Variants in SLITRK4 observed in about 807,000 individuals in gnomAD.
SLITRK4 encodes the protein SLIT and NTRK like family member 4.
In SLITRK4, 7 loss-of-function variants were observed where a neutral mutation model predicts 34.7. The ratio of observed to expected loss-of-function variants is 0.20; its 90% CI spans 0.11 to 0.38. The LOEUF is 0.38. Among genes scored for constraint, SLITRK4 ranks in the 10% least tolerant of loss-of-function variants. SLITRK4 has a pLI of 1.00. For synonymous variants in SLITRK4, 237 were observed against 246.2 expected (o/e 0.96, Z 0.35); for missense variants, 474 against 607.0 (o/e 0.78, Z 2.30).
In SLITRK4 at chrX:143,628,091, CTTTTTTTTTTTTTTTTTTTTTTT is replaced by C. The variant is rs782497461; in HGVS notation, c.*481_*503del. On this transcript the variant is annotated 3_prime_UTR_variant, in exon 2 of 2. Transcript: ENST00000356928. ...CTATCGAGTGTTCTCTCTTTGCATG[CTTTTTTTTTTTTTTTTTTTTTTT>C]TTTTTTTTTTTTTACTTTTCAGATA... 25 of 73,096 alleles carry C rather than the reference CTTTTTTTTTTTTTTTTTTTTTTT, an allele frequency of 3.4e-4. No homozygotes were observed. The African/African-American group carries it at 4.3e-3, about 13-fold the overall frequency. The allele number at this position is 73,096 out of a possible 1,213,427, so 6.0% of individuals were successfully genotyped here. A position where few individuals can be genotyped will look rare whatever the true frequency, so the allele number is the denominator to read the frequency against.
chrX:143,624,552 T>C lies in SLITRK4; in HGVS notation c.*4043A>G, dbSNP rs1930725068. ...ATATGTTTCTAAAGAAAGCGTTTTT[T>C]TTAACAGAGATTTAGCAGTTAAGTT... On this transcript the variant is annotated 3_prime_UTR_variant, in exon 2 of 2. Transcript: ENST00000356928. The C allele has an allele frequency of 9.0e-6, 1 of 110,990 alleles. No individual in the cohort carries two copies. Among genetic ancestry groups the C allele is most frequent in the African/African-American group, 3.3e-5 (1 of 30,737 alleles). The allele number at this position is 110,990 out of a possible 1,213,427, so 9.1% of individuals were successfully genotyped here. A position where few individuals can be genotyped will look rare whatever the true frequency, so the allele number is the denominator to read the frequency against.
In SLITRK4 at chrX:143,626,797, A is replaced by T. The variant is rs782144444; in HGVS notation, c.*1798T>A. 9.5e-6 allele frequency: 1 copy of T among 104,815 alleles called. No homozygotes were observed. The highest frequency in any genetic ancestry group is 3.1e-4 in the East Asian group (1 of 3,274). 8.6% of individuals were successfully genotyped at this position (104,815 alleles called of 1,213,427 possible). ...CACTCTCACACATGCACACACACAC[A>T]CTATATATATATGTATACACACACA... On this transcript the variant is annotated 3_prime_UTR_variant, in exon 2 of 2. Transcript: ENST00000356928.
rs1931026577 is a variant in SLITRK4 at position 143,631,170 on chromosome X, AAAG to A, written c.-50-15_-50-13del. The A allele has an allele frequency of 1.1e-6, 1 of 950,301 alleles. No homozygotes were observed. The highest frequency in any genetic ancestry group is 2.0e-5 in the African/African-American group (1 of 50,311). 78.3% of individuals were successfully genotyped at this position (950,301 alleles called of 1,213,427 possible). On this transcript the variant is annotated splice_polypyrimidine_tract_variant and intron_variant, in intron 1 of 1. Coordinates refer to ENST00000356928, the MANE Select transcript of SLITRK4 (RefSeq NM_001184749.3). Reference sequence around the variant, plus strand: ...TAAAGAGAAATAATCTAAAAAATAAAAAGAAAACATTTTTTCAATGGTCATTAC... The same window carrying A: ...TAAAGAGAAATAATCTAAAAAATAAAAAAACATTTTTTCAATGGTCATTAC...
rs1379322327 is a variant in SLITRK4, at chrX:143,629,269, G to A, written c.1840C>T (p.Pro614Ser). The A allele has an allele frequency of 1.7e-6, 2 of 1,211,976 alleles. No homozygotes were observed. The highest frequency in any genetic ancestry group is 2.2e-6 in the Non-Finnish European group (2 of 895,548). Residue 614 changes from proline (P) to serine (S), a missense_variant, in exon 2 of 2, where the codon CCA becomes TCA. Coordinates refer to ENST00000356928, the MANE Select transcript of SLITRK4 (RefSeq NM_001184749.3). ...AAGATTAAAATAGACAGAGGCACTG[G>A]CCCACCAGGAGGACTTCGAATGGGA... is the stretch of plus-strand genomic sequence containing the variant. ...LGPIRSPPGG[P>S]VPLSILILSI...
Position 143,631,132 on chromosome X carries a change from G to A in SLITRK4, c.-24C>T, listed in dbSNP as rs369199632. The A allele has an allele frequency of 2.8e-6, 3 of 1,061,955 alleles. No homozygotes were observed. The allele number at this position is 1,061,955 out of a possible 1,213,427, so 87.5% of individuals were successfully genotyped here. A position where few individuals can be genotyped will look rare whatever the true frequency, so the allele number is the denominator to read the frequency against. On this transcript the variant is annotated 5_prime_UTR_variant, in exon 2 of 2. Coordinates refer to ENST00000356928, the MANE Select transcript of SLITRK4 (RefSeq NM_001184749.3). ...ATCTTCTTGCAATCAGCAAACAACT[G>A]TATGCTTCTGAATAAAGAGAAATAA...
rs1223821140 is a variant in SLITRK4 at position 143,629,572 on chromosome X, C to T, written c.1537G>A (p.Val513Ile). Residue 513 changes from valine (V) to isoleucine (I), a missense_variant, in exon 2 of 2, where the codon GTC (valine) becomes ATC (isoleucine). By Grantham distance (29) the Val-to-Ile change is conservative (BLOSUM62 3). This residue lies in a region of SLITRK4 where 345 missense variants were observed against 406.5 expected (regional missense o/e 0.85). Coordinates refer to ENST00000356928, the MANE Select transcript of SLITRK4 (RefSeq NM_001184749.3). Reference protein sequence around the residue: ...LRNNKFMYLPVSGVLDQLQSL... With the variant: ...LRNNKFMYLPISGVLDQLQSL... ...TGCAACTGATCAAGGACCCCGCTGA[C>T]AGGCAGGTACATGAATTTGTTGTTC... The T allele has an allele frequency of 8.3e-7, 1 of 1,209,194 alleles. No homozygotes were observed. Among genetic ancestry groups the T allele is most frequent in the Non-Finnish European group, 1.1e-6 (1 of 895,084 alleles).
In SLITRK4 at chrX:143,630,949, G is replaced by A. The variant is rs1316653624; in HGVS notation, c.160C>T (p.Leu54=). ...TAAAAATTAGACCAAGGTGGTTTCA[G>A]CTGATTTGGTCTGTAGACTGAAACC... The part of the protein sequence containing the change: ...EKVSVYRPNQ[L]KPPWSNFYHL... The change falls in exon 2 of 2, where the codon CTG becomes TTG. Residue 54 remains leucine, a synonymous_variant. Transcript: ENST00000356928. 9 of 1,208,465 alleles carry A rather than the reference G, an allele frequency of 7.4e-6. No individual in the cohort carries two copies. Among genetic ancestry groups the A allele is most frequent in the Admixed American group, 2.2e-5 (1 of 45,438 alleles).
chrX:143,629,991 A>T lies in SLITRK4; in HGVS notation c.1118T>A (p.Ile373Lys), dbSNP rs1556427262. ...CTTCTTCGCATTTAAAGGTTTCGGT[A>T]TCAGTTCAGACATAGACTGTATATT... ...EKNIQSMSEL[I>K]PKPLNAKKLH... The change falls in exon 2 of 2, where the codon ATA (isoleucine) becomes AAA (lysine). Residue 373 changes from isoleucine to lysine, a missense_variant. By Grantham distance (102) the Ile-to-Lys change is moderately radical. Coordinates refer to ENST00000356928, the MANE Select transcript of SLITRK4 (RefSeq NM_001184749.3). 8.3e-7 allele frequency: 1 copy of T among 1,210,195 alleles called. No individual in the cohort carries two copies. The highest frequency in any genetic ancestry group is 1.7e-5 in the African/African-American group (1 of 57,220).
In SLITRK4 at chrX:143,628,091, C is replaced by CTTTTTTTTTTTTT. The variant is rs782497461; in HGVS notation, c.*491_*503dup. The CTTTTTTTTTTTTT allele has an allele frequency of 3.6e-3, 260 of 73,096 alleles. 115 individuals are homozygous for CTTTTTTTTTTTTT. The highest frequency in any genetic ancestry group is 8.3e-3 in the Admixed American group (20 of 2,399). The allele number at this position is 73,096 out of a possible 1,213,427, so 6.0% of individuals were successfully genotyped here. ...CTATCGAGTGTTCTCTCTTTGCATG[C>CTTTTTTTTTTTTT]TTTTTTTTTTTTTTTTTTTTTTTTT... On this transcript the variant is annotated 3_prime_UTR_variant, in exon 2 of 2. Coordinates refer to ENST00000356928, the MANE Select transcript of SLITRK4 (RefSeq NM_001184749.3).
At chrX:143,632,294 C>A (rs1931065351) in intron 1 of SLITRK4, among the ~76,000 whole-genome samples, 2 of 111,449 alleles carry the variant, frequency 1.8e-5, no homozygotes, top group South Asian at 7.6e-4. Context: ...TGACTGTAAA[C>A]GCATAAAGAA....
At chrX:143,632,232 C>A (rs782289895) in intron 1 of SLITRK4, among the ~76,000 whole-genome samples, 38 of 111,605 alleles carry the variant, frequency 3.4e-4, no homozygotes, top group African/African-American at 1.2e-3. Flanking sequence ...GTCCTAAAAT[C>A]ATCAGTTCCA....
rs369199632 is a variant in SLITRK4 at position 143,631,132 on chromosome X, G to T, written c.-24C>A. Reference sequence around the variant, plus strand: ...ATCTTCTTGCAATCAGCAAACAACTGTATGCTTCTGAATAAAGAGAAATAA... The same window carrying T: ...ATCTTCTTGCAATCAGCAAACAACTTTATGCTTCTGAATAAAGAGAAATAA... On this transcript the variant is annotated 5_prime_UTR_variant, in exon 2 of 2. Transcript: ENST00000356928. 5 of 1,060,526 alleles carry T rather than the reference G, an allele frequency of 4.7e-6. No individual in the cohort carries two copies. The highest frequency in any genetic ancestry group is 1.9e-5 in the African/African-American group (1 of 52,986). 87.4% of individuals were successfully genotyped at this position (1,060,526 alleles called of 1,213,427 possible). A position where few individuals can be genotyped will look rare whatever the true frequency, so the allele number is the denominator to read the frequency against.
Position 143,625,039 on chromosome X carries a change from A to G in SLITRK4, c.*3556T>C, listed in dbSNP as rs1227017123. Reference sequence around the variant, plus strand: ...AGTGTGCTCATTTCATACAATGTCAATGTACAAATCATGCAAAAAATGTTA... The same window carrying G: ...AGTGTGCTCATTTCATACAATGTCAGTGTACAAATCATGCAAAAAATGTTA... On this transcript the variant is annotated 3_prime_UTR_variant, in exon 2 of 2. Coordinates refer to ENST00000356928, the MANE Select transcript of SLITRK4 (RefSeq NM_001184749.3). The G allele has an allele frequency of 9.0e-6, 1 of 111,477 alleles. No homozygotes were observed. Among genetic ancestry groups the G allele is most frequent in the East Asian group, 2.8e-4 (1 of 3,579 alleles). 9.2% of individuals were successfully genotyped at this position (111,477 alleles called of 1,213,427 possible).
Position 143,630,039 on chromosome X carries a change from A to C in SLITRK4, c.1070T>G (p.Leu357Arg). The part of the protein sequence containing the change: ...FCKTHPSDLG[L>R]SVNCQEKNIQ... ...ATTTTTCTCTTGGCAGTTCACACTT[A>C]GTCCCAAATCTGAAGGGTGTGTTTT... Residue 357 changes from leucine (L) to arginine (R), a missense_variant, in exon 2 of 2, where the codon CTA becomes CGA. Coordinates refer to ENST00000356928, the MANE Select transcript of SLITRK4 (RefSeq NM_001184749.3). 1 of 1,211,912 alleles carries C rather than the reference A, an allele frequency of 8.3e-7. No homozygotes were observed. Among genetic ancestry groups the C allele is most frequent in the Non-Finnish European group, 1.1e-6 (1 of 895,523 alleles).
chrX:143,624,969 T>C lies in SLITRK4; in HGVS notation c.*3626A>G, dbSNP rs1457931609. 3 of 111,131 alleles carry C rather than the reference T, an allele frequency of 2.7e-5. No homozygotes were observed. Among genetic ancestry groups the C allele is most frequent in the Non-Finnish European group, 5.7e-5 (3 of 52,727 alleles). 9.2% of individuals were successfully genotyped at this position (111,131 alleles called of 1,213,427 possible). On this transcript the variant is annotated 3_prime_UTR_variant, in exon 2 of 2. Transcript: ENST00000356928. ...ATTATAAATACATTCTTAATATAGT[T>C]TCTCCCCAACTCTTTGGATGCGACA...
chrX:143,626,877 T>TAC lies in SLITRK4; in HGVS notation c.*1716_*1717dup, dbSNP rs1268869114. 1.8e-4 allele frequency: 19 copies of TAC among 106,561 alleles called. No homozygotes were observed. Among genetic ancestry groups the TAC allele is most frequent in the Non-Finnish European group, 1.9e-5 (1 of 51,874 alleles). The allele number at this position is 106,561 out of a possible 1,213,427, so 8.8% of individuals were successfully genotyped here. ...ATATATATACACACGCATATATATATACACACACACATATATATATATGTA... is the reference window on the plus strand; with the variant it reads ...ATATATATACACACGCATATATATATACACACACACACATATATATATATGTA... On this transcript the variant is annotated 3_prime_UTR_variant, in exon 2 of 2. Transcript: ENST00000356928.
intron 1 of SLITRK4, among the ~76,000 whole-genome samples, chrX:143,633,017 C>T (rs1259903836): frequency 1.8e-5 from 2 of 110,542 alleles, no homozygotes; most frequent in African/African-American, 6.6e-5. Context: ...AAAAAAAAAT[C>T]CTTATAATCC....
At chrX:143,633,570 G>C (rs1556429808) in intron 1 of SLITRK4, among the ~76,000 whole-genome samples, 1 of 110,921 alleles carries the variant, frequency 9.0e-6, no homozygotes, top group African/African-American at 3.3e-5. Flanking sequence ...AACCTAGCCC[G>C]ACCAAAAACA....
rs1452559089 is a variant in SLITRK4, at chrX:143,635,955, A to G, written c.-271T>C. On this transcript the variant is annotated 5_prime_UTR_variant, in exon 1 of 2. Transcript: ENST00000356928. ...TAGCCGGGTTAGAAGGAGACGGGTTAATTATCCGCACCTTAGAACTCCGTG... is the reference window on the plus strand; with the variant it reads ...TAGCCGGGTTAGAAGGAGACGGGTTGATTATCCGCACCTTAGAACTCCGTG... Among the ~76,000 whole-genome samples the G allele has an allele frequency of 9.2e-6, 1 of 108,426 alleles. No homozygotes were observed. The highest frequency in any genetic ancestry group is 2.9e-4 in the East Asian group (1 of 3,421). 94.2% of individuals were successfully genotyped at this position (108,426 alleles called of 115,157 possible).
Sources: allele counts gnomAD v4.1 joint callset (sites outside exome capture counted in the v4.1 genomes callset), GRCh38; gene constraint gnomAD v4.1.1; regional missense constraint gnomAD v4.1.1; transcripts MANE v1.5; gene names NCBI Gene and HGNC (gene_info 2026-07-23, HGNC 2026-07-21).